SLC36A1: variants seen among roughly 807,000 people sequenced by gnomAD.
SLC36A1 encodes proton-coupled amino acid transporter 1.
In SLC36A1, 30 loss-of-function variants were observed where a neutral mutation model predicts 47.5. The ratio of observed to expected loss-of-function variants is 0.63; its 90% CI spans 0.47 to 0.86. The LOEUF is 0.86. Ranked by LOEUF, SLC36A1 falls within the 40% of genes least tolerant of loss-of-function variation. SLC36A1 has a pLI of 0.00. For missense variants in SLC36A1, 517 were observed against 606.0 expected (o/e 0.85, Z 1.54); for synonymous variants, 255 against 249.7 (o/e 1.02, Z -0.20).
Position 151,467,818 on chromosome 5 carries a change from G to T in SLC36A1, c.616G>T (p.Val206Leu). Residue 206 changes from valine (V) to leucine (L), a missense_variant, in exon 7 of 11, where the codon GTG becomes TTG. By Grantham distance (32) the Val-to-Leu change is conservative. Coordinates refer to ENST00000243389, the MANE Select transcript of SLC36A1 (RefSeq NM_078483.4). ...LYMLSFLPFLVLLVFIRNLRA... is the reference protein window; with the variant it reads ...LYMLSFLPFLLLLVFIRNLRA... The stretch of plus-strand genomic sequence containing the variant: ...CATGCTCTCCTTCCTGCCCTTCCTG[G>T]TGCTGCTGGTTTTCATCAGGAACCT... 2.5e-6 allele frequency: 4 copies of T among 1,613,774 alleles called. No individual in the cohort carries two copies. Among genetic ancestry groups the T allele is most frequent in the Non-Finnish European group, 3.4e-6 (4 of 1,179,946 alleles).
chr5:151,462,381 T>G (rs997781881), intron 2 of SLC36A1, among the ~76,000 whole-genome samples: 6 of 152,056 alleles, frequency 3.9e-5, no homozygotes, highest in African/African-American at 1.4e-4. Flanking sequence ...TTTCTTTTTT[T>G]TTTGAGACAG....
chr5:151,417,321 G>T, the SLC36A1 span, among the ~76,000 whole-genome samples: 1 of 152,190 alleles, frequency 6.6e-6, no homozygotes, highest in Admixed American at 6.5e-5. Flanking sequence ...CCAAAATACT[G>T]ACAGTGATGT....
chr5:151,470,664 C>A (rs1757191189), intron 7 of SLC36A1, among the ~76,000 whole-genome samples: 1 of 152,216 alleles, frequency 6.6e-6, no homozygotes, highest in South Asian at 2.1e-4. Context: ...CCCTTTAGGT[C>A]ATTTTTGTTG....
chr5:151,538,643 C>T, the SLC36A1 span, among the ~76,000 whole-genome samples: 1 of 152,162 alleles, frequency 6.6e-6, no homozygotes, highest in Non-Finnish European at 1.5e-5. Flanking sequence ...CAAGCATGGA[C>T]CCCTACATGC....
At chr5:151,525,951 A>G in the SLC36A1 span, 3 of 1,614,130 alleles carry the variant, frequency 1.9e-6, no homozygotes, top group Non-Finnish European at 2.5e-6. Context: ...CTTTGCTGCC[A>G]ATGGGGGAGT....
chr5:151,354,424 C>T, the SLC36A1 span, among the ~76,000 whole-genome samples: 1 of 152,200 alleles, frequency 6.6e-6, no homozygotes, highest in East Asian at 1.9e-4. Context: ...CAGATCAGTG[C>T]AGAACAGCCA....
chr5:151,507,404 C>T, the SLC36A1 span: 97 of 1,614,210 alleles, frequency 6.0e-5, no homozygotes, highest in South Asian at 9.6e-4. Flanking sequence ...CACCAACACT[C>T]CTGGCCAGGA....
At chr5:151,371,160 A>AG in the SLC36A1 span, among the ~76,000 whole-genome samples, 3 of 152,104 alleles carry the variant, frequency 2.0e-5, no homozygotes, top group African/African-American at 4.8e-5. Flanking sequence ...CCAGGGGTGG[A>AG]GGAGGGACAT....
chr5:151,459,476 A>G (rs907744618), intron 2 of SLC36A1, among the ~76,000 whole-genome samples: 1 of 152,226 alleles, frequency 6.6e-6, no homozygotes, highest in African/African-American at 2.4e-5. Flanking sequence ...ATTTGGGCTG[A>G]GTTTGGCCCG....
chr5:151,412,165 T>C, the SLC36A1 span, among the ~76,000 whole-genome samples: 7 of 144,938 alleles, frequency 4.8e-5, no homozygotes, highest in African/African-American at 1.8e-4. Flanking sequence ...TAACTAAATC[T>C]GTAAGGTAAG....
chr5:151,528,643 G>A, the SLC36A1 span, among the ~76,000 whole-genome samples: 1 of 152,192 alleles, frequency 6.6e-6, no homozygotes, highest in East Asian at 1.9e-4. Flanking sequence ...TTCCTGTGTG[G>A]TTGGAGCATA....
the SLC36A1 span, chr5:151,542,435 C>A: frequency 6.2e-7 from 1 of 1,614,082 alleles, no homozygotes; most frequent in South Asian, 1.1e-5. Flanking sequence ...TCATTCTCAT[C>A]TGTAATGGAG....
chr5:151,539,137 G>A, the SLC36A1 span, among the ~76,000 whole-genome samples: 1 of 152,094 alleles, frequency 6.6e-6, no homozygotes, highest in Non-Finnish European at 1.5e-5. Flanking sequence ...GAAGGAAGGT[G>A]ACCACCATTC....
Position 151,466,883 on chromosome 5 carries a change from A to G in SLC36A1, c.420-316A>G, listed in dbSNP as rs75352230. ...TAGCACCTCCCTCACCTTCTTCCCA[A>G]TGCCCCAGACCAGTGGCACCTAGCA... On this transcript the variant is annotated intron_variant, in intron 5 of 10. Transcript: ENST00000243389. 0.01 allele frequency among the ~76,000 whole-genome samples: 1,570 copies of G among 152,190 alleles called. 57 individuals are homozygous for G. The East Asian group carries it at 0.13, about 12-fold the overall frequency.
chr5:151,465,972 A>C (rs1021374561), intron 5 of SLC36A1, among the ~76,000 whole-genome samples: 1 of 152,132 alleles, frequency 6.6e-6, no homozygotes, highest in East Asian at 1.9e-4. Context: ...CCACATTAAA[A>C]CTATGTTCTC....
chr5:151,396,657 G>A, the SLC36A1 span, among the ~76,000 whole-genome samples: 1 of 151,520 alleles, frequency 6.6e-6, no homozygotes, highest in African/African-American at 2.4e-5. Flanking sequence ...AAATATGAAT[G>A]GGATTAAATA....
At chr5:151,544,141 C>T in the SLC36A1 span, 1 of 1,614,192 alleles carries the variant, frequency 6.2e-7, no homozygotes, top group African/African-American at 1.3e-5. Context: ...GGACATCTCC[C>T]CTGTGCTCCC....
At chr5:151,413,623 G>A in the SLC36A1 span, among the ~76,000 whole-genome samples, 2 of 151,938 alleles carry the variant, frequency 1.3e-5, no homozygotes, top group African/African-American at 4.8e-5. Flanking sequence ...TTTTGCAGGA[G>A]GAGAAATTTA....
chr5:151,350,143 C>T, the SLC36A1 span, among the ~76,000 whole-genome samples: 2 of 149,948 alleles, frequency 1.3e-5, no homozygotes, highest in African/African-American at 4.9e-5. Flanking sequence ...ACCACCCTCC[C>T]CCGGCCCCGG....
Sources: gnomAD v4.1 joint callset for allele counts (sites outside exome capture counted in the v4.1 genomes callset) on GRCh38, gnomAD v4.1.1 for gene constraint, MANE v1.5 for transcripts, NCBI Gene and HGNC (gene_info 2026-07-23, HGNC 2026-07-21) for gene names.